ALDH1A3: variants seen among roughly 807,000 people sequenced by gnomAD.
ALDH1A3 encodes retinaldehyde dehydrogenase 3.
Under a neutral mutation model 57.5 loss-of-function variants are expected in ALDH1A3, and 28 were observed. That is an observed-to-expected ratio of 0.49 (90% CI 0.36 to 0.67). ALDH1A3 has a LOEUF of 0.67. Among genes scored for constraint, ALDH1A3 ranks in the 30% least tolerant of loss-of-function variants. The probability of loss-of-function intolerance (pLI) is 0.00; values close to 1 mark genes in which losing one functional copy is unlikely to be tolerated. For missense variants in ALDH1A3, 507 were observed against 669.4 expected (o/e 0.76, Z 2.68); for synonymous variants, 281 against 264.8 (o/e 1.06, Z -0.59).
chr15:100,892,227 GC>G (rs1257687394), intron 3 of ALDH1A3: 1 of 379,466 alleles, frequency 2.6e-6, no homozygotes, highest in Non-Finnish European at 4.7e-6. Flanking sequence ...CTTTAAATCC[GC>G]CTGGCCTCCA....
intron 2 of ALDH1A3, among the ~76,000 whole-genome samples, chr15:100,886,050 G>A (rs1375130733): frequency 6.6e-6 from 1 of 152,242 alleles, no homozygotes; most frequent in African/African-American, 2.4e-5. Context: ...AGATGTAAAT[G>A]TTTCCTTAGC....
intron 9 of ALDH1A3, among the ~76,000 whole-genome samples, chr15:100,903,436 G>T (rs1228008797): frequency 2.0e-5 from 3 of 152,170 alleles, no homozygotes; most frequent in Admixed American, 2.0e-4. Context: ...GAAGCCACCA[G>T]AATTTCAGTA....
rs915715572 is a variant in ALDH1A3 at position 100,908,436 on chromosome 15, C to T, written c.1420C>T (p.Gln474Ter). ...WINCYNALYA[Q>*]APFGGFKMSG... ...CAACTGCTACAACGCCCTCTATGCA[C>T]AGGCTCCATTTGGTGGCTTTAAAAT... is the stretch of plus-strand genomic sequence containing the variant. The change falls in exon 12 of 13, where the codon CAG becomes TAG. Residue 474 changes from glutamine to a stop codon, truncating the protein, a stop_gained. Coordinates refer to ENST00000329841, the MANE Select transcript of ALDH1A3 (RefSeq NM_000693.4). LOFTEE classifies it high-confidence loss of function. 3.1e-6 allele frequency: 5 copies of T among 1,613,926 alleles called. No individual in the cohort carries two copies. The highest frequency in any genetic ancestry group is 1.3e-5 in the African/African-American group (1 of 74,924).
intron 1 of ALDH1A3, 34 bp downstream of exon 1, chr15:100,880,040 G>A (rs1159656263): frequency 3.5e-6 from 5 of 1,418,492 alleles, no homozygotes; most frequent in South Asian, 1.4e-5. Context: ...CGACGGCCGC[G>A]GGCCCCTGCG....
chr15:100,912,403 T>C (rs962014585), intron 12 of ALDH1A3, among the ~76,000 whole-genome samples: 1 of 152,218 alleles, frequency 6.6e-6, no homozygotes, highest in Non-Finnish European at 1.5e-5. Flanking sequence ...GTTTTTCTTG[T>C]TGGTTTGCAA....
intron 4 of ALDH1A3, 117 bp from the exon 5 acceptor site, chr15:100,892,828 A>G: frequency 7.4e-7 from 1 of 1,357,586 alleles, no homozygotes; most frequent in Non-Finnish European, 1.0e-6. Flanking sequence ...TCTCTGTATA[A>G]TAGACAAGAC....
At chr15:100,884,865 T>C (rs2041580344) in intron 1 of ALDH1A3, among the ~76,000 whole-genome samples, 1 of 152,146 alleles carries the variant, frequency 6.6e-6, no homozygotes, top group Middle Eastern at 3.2e-3. Context: ...GCGGACTGCT[T>C]GGGACTTTTA....
At chr15:100,883,164 C>T (rs984044581) in intron 1 of ALDH1A3, among the ~76,000 whole-genome samples, 7 of 152,148 alleles carry the variant, frequency 4.6e-5, no homozygotes, top group African/African-American at 1.7e-4. Context: ...CATTTTCCCT[C>T]CCCCTTGGAG....
chr15:100,886,651 C>T (rs529478068), intron 2 of ALDH1A3, among the ~76,000 whole-genome samples: 3 of 152,244 alleles, frequency 2.0e-5, no homozygotes, highest in East Asian at 3.9e-4. Context: ...GAGGGGCCTT[C>T]GAGATGAATG....
chr15:100,895,712 TC>T, intron 6 of ALDH1A3: 1 of 569,028 alleles, frequency 1.8e-6, no homozygotes, highest in Non-Finnish European at 3.2e-6. Context: ...AGTGGGCATC[TC>T]CCCTTGCCCA....
Position 100,885,378 on chromosome 15 carries a change from A to T in ALDH1A3, c.204+7A>T, listed in dbSNP as rs1436668741. The T allele has an allele frequency of 6.3e-7, 1 of 1,587,166 alleles. No homozygotes were observed. Among genetic ancestry groups the T allele is most frequent in the Non-Finnish European group, 8.7e-7 (1 of 1,155,770 alleles). ...AGTGGAAGAAGGAGATAAGGTAAAT[A>T]CTTAAAATAAATTTGCTCTAAGTAA... On this transcript the variant is annotated splice_region_variant and intron_variant, in intron 2 of 12. Transcript: ENST00000329841.
intron 3 of ALDH1A3, chr15:100,888,653 G>C (rs2041620459): frequency 6.6e-6 from 1 of 152,154 alleles, no homozygotes; most frequent in South Asian, 2.1e-4. Context: ...CCTCAGAATA[G>C]GAAAGACCTG....
chr15:100,883,639 T>C (rs2041567033), intron 1 of ALDH1A3, among the ~76,000 whole-genome samples: 1 of 139,536 alleles, frequency 7.2e-6, no homozygotes, highest in African/African-American at 2.8e-5. Context: ...GCTTCAGAGG[T>C]TTTTGTGGGT....
intron 11 of ALDH1A3, among the ~76,000 whole-genome samples, chr15:100,907,719 A>T (rs948987048): frequency 3.3e-5 from 5 of 152,122 alleles, no homozygotes; most frequent in Admixed American, 2.6e-4. Flanking sequence ...AGGCTCAGAG[A>T]GGTTGAGCAA....
chr15:100,893,858 T>C lies in ALDH1A3; in HGVS notation c.538-96T>C, dbSNP rs2041675173. ...CCCCACATACCCCAAATCCAGACCA[T>C]GAAAAGCAAGTGTCCTCCACAAAGG... On this transcript the variant is annotated intron_variant, in intron 5 of 12. Transcript: ENST00000329841. This position sits in a 1 kb window ranked among gnomAD's most constrained non-coding sequence, Gnocchi z 4.8. The C allele has an allele frequency of 1.3e-6, 2 of 1,514,228 alleles. No individual in the cohort carries two copies. Among genetic ancestry groups the C allele is most frequent in the African/African-American group, 2.8e-5 (2 of 71,790 alleles). The allele number at this position is 1,514,228 out of a possible 1,614,324, so 93.8% of individuals were successfully genotyped here.
chr15:100,900,973 G>A (rs1218443130), intron 9 of ALDH1A3, among the ~76,000 whole-genome samples: 1 of 152,202 alleles, frequency 6.6e-6, no homozygotes, highest in Non-Finnish European at 1.5e-5. Context: ...GGCATGGGAG[G>A]AGGGCGCTAT....
chr15:100,906,098 G>A lies in ALDH1A3; in HGVS notation c.1233+411G>A, dbSNP rs1053849304. Among the ~76,000 whole-genome samples, 1 of 152,150 alleles carries A rather than the reference G, an allele frequency of 6.6e-6. No homozygotes were observed. Among genetic ancestry groups the A allele is most frequent in the Non-Finnish European group, 1.5e-5 (1 of 68,030 alleles). ...ACCTGTGGATTCAGGGCCCAAAGCC[G>A]CCTTCAGTGCCCCTAGACTGAATTT... On this transcript the variant is annotated intron_variant, in intron 10 of 12. Transcript: ENST00000329841. This position sits in a 1 kb window ranked among gnomAD's most constrained non-coding sequence, Gnocchi z 4.8.
intron 8 of ALDH1A3, among the ~76,000 whole-genome samples, chr15:100,899,615 G>A (rs2041745772): frequency 6.6e-6 from 1 of 152,288 alleles, no homozygotes; most frequent in South Asian, 2.1e-4. Flanking sequence ...AGCTCCGTCA[G>A]GAGCAGGAAA....
At position 100,885,286 on chromosome 15, in the gene ALDH1A3, G is replaced by A; in HGVS notation, c.119G>A (p.Trp40Ter). 1.2e-6 allele frequency: 2 copies of A among 1,613,160 alleles called. No homozygotes were observed. The highest frequency in any genetic ancestry group is 1.7e-6 in the Non-Finnish European group (2 of 1,179,118). The stretch of plus-strand genomic sequence containing the variant: ...GGTTAGATATTTATCAACAATGAAT[G>A]GCACGAATCCAAGAGTGGGAAAAAG... ...KFTKIFINNEWHESKSGKKFA... is the reference protein window; with the variant it reads ...KFTKIFINNE Residue 40 changes from tryptophan to a stop codon, truncating the protein, a stop_gained, in exon 2 of 13, where the codon TGG becomes TAG. Transcript: ENST00000329841. LOFTEE classifies it high-confidence loss of function.
Sources: allele counts gnomAD v4.1 joint callset (sites outside exome capture counted in the v4.1 genomes callset), GRCh38; gene constraint gnomAD v4.1.1; non-coding constraint Gnocchi (gnomAD v3.1); transcripts MANE v1.5; gene names NCBI Gene and HGNC (gene_info 2026-07-23, HGNC 2026-07-21).